SUMF1: variants seen among roughly 807,000 people sequenced by gnomAD.
SUMF1 encodes the protein sulfatase modifying factor 1.
A neutral mutation model predicts 47.6 loss-of-function variants in SUMF1; 48 were observed. The observed-to-expected ratio is 1.01, with a 90% CI of 0.80 to 1.28. The LOEUF is 1.28. SUMF1 is among the 50% of genes most tolerant of loss of function. SUMF1 has a pLI of 0.00. For synonymous variants in SUMF1, 230 were observed against 192.1 expected (o/e 1.20, Z -1.63); for missense variants, 571 against 485.4 (o/e 1.18, Z -1.66).
intron 8 of SUMF1, among the ~76,000 whole-genome samples, chr3:4,288,295 C>T (rs573316781): frequency 6.6e-6 from 1 of 152,144 alleles, no homozygotes; most frequent in Non-Finnish European, 1.5e-5. Context: ...CCTGTTGGCA[C>T]AGCACAAAAA....
intron 8 of SUMF1, among the ~76,000 whole-genome samples, chr3:4,106,183 A>G (rs1169609492): frequency 6.6e-6 from 1 of 152,124 alleles, no homozygotes; most frequent in African/African-American, 2.4e-5. Context: ...ATAAAAAACA[A>G]AATGAGTTTA....
At chr3:4,446,097 C>T (rs912120839) in intron 3 of SUMF1, among the ~76,000 whole-genome samples, 2 of 152,162 alleles carry the variant, frequency 1.3e-5, no homozygotes, top group South Asian at 2.1e-4. Context: ...GATGATGGAA[C>T]TATCTCTTTA....
At chr3:4,130,151 G>A (rs140942906) in intron 8 of SUMF1, among the ~76,000 whole-genome samples, 1 of 152,296 alleles carries the variant, frequency 6.6e-6, no homozygotes, top group African/African-American at 2.4e-5. Flanking sequence ...TTTGGCCTGT[G>A]CAGAAGACAG....
intron 8 of SUMF1, among the ~76,000 whole-genome samples, chr3:4,178,670 A>G (rs542981853): frequency 5.3e-5 from 8 of 152,326 alleles, no homozygotes; most frequent in African/African-American, 1.2e-4. Context: ...TATTCAACAT[A>G]GTGTTGGAAG....
intron 8 of SUMF1, among the ~76,000 whole-genome samples, chr3:4,070,570 C>T (rs1574856212): frequency 1.3e-5 from 2 of 152,132 alleles, no homozygotes; most frequent in African/African-American, 2.4e-5. Flanking sequence ...ATGCTGAAAA[C>T]GATGACATAG....
In SUMF1 at chr3:4,362,001, G is replaced by C. The variant is rs1044025854; in HGVS notation, c.*143C>G. 1.4e-6 allele frequency: 1 copy of C among 731,802 alleles called. No individual in the cohort carries two copies. Among genetic ancestry groups the C allele is most frequent in the African/African-American group, 1.7e-5 (1 of 57,490 alleles). 45.3% of individuals were successfully genotyped at this position (731,802 alleles called of 1,614,324 possible). Reference sequence around the variant, plus strand: ...CCAGGTCAGCAATTTGGTCTCACAAGGCGGTTCCTTTGGCCATTGGGCAGG... The same window carrying C: ...CCAGGTCAGCAATTTGGTCTCACAACGCGGTTCCTTTGGCCATTGGGCAGG... On this transcript the variant is annotated 3_prime_UTR_variant, in exon 9 of 9. Transcript: ENST00000272902.
At chr3:4,119,085 C>T (rs906058808) in intron 8 of SUMF1, among the ~76,000 whole-genome samples, 4 of 152,100 alleles carry the variant, frequency 2.6e-5, no homozygotes, top group South Asian at 2.1e-4. Context: ...TAATCTGCTA[C>T]ATTTTTCATT....
At chr3:4,128,930 G>C (rs1693721467) in intron 8 of SUMF1, among the ~76,000 whole-genome samples, 1 of 152,092 alleles carries the variant, frequency 6.6e-6, no homozygotes, top group Non-Finnish European at 1.5e-5. Flanking sequence ...CTGAAATATG[G>C]ATTGAAAGAT....
intron 3 of SUMF1, among the ~76,000 whole-genome samples, chr3:4,448,410 G>A (rs556070290): frequency 7.9e-4 from 119 of 150,196 alleles, no homozygotes; most frequent in African/African-American, 2.6e-3. Flanking sequence ...GGATTCCTTC[G>A]TCTTCAATGC....
chr3:4,417,641 T>A (rs531099867), intron 5 of SUMF1, among the ~76,000 whole-genome samples: 1 of 152,342 alleles, frequency 6.6e-6, no homozygotes, highest in East Asian at 1.9e-4. Context: ...AACATGAGTT[T>A]TCTGTCTCAT....
At chr3:4,378,367 C>T (rs1700393800) in intron 7 of SUMF1, among the ~76,000 whole-genome samples, 1 of 152,184 alleles carries the variant, frequency 6.6e-6, no homozygotes, top group South Asian at 2.1e-4. Context: ...CACTTTTGCA[C>T]AATTGTAAAC....
intron 8 of SUMF1, among the ~76,000 whole-genome samples, chr3:4,226,130 G>C (rs976959442): frequency 2.0e-5 from 3 of 152,034 alleles, no homozygotes; most frequent in African/African-American, 7.2e-5. Flanking sequence ...AGCAATAATA[G>C]TAAGCATTCA....
chr3:4,106,229 G>A (rs113579983), intron 8 of SUMF1, among the ~76,000 whole-genome samples: 169 of 151,940 alleles, frequency 1.1e-3, no homozygotes, highest in Non-Finnish European at 2.2e-3. Flanking sequence ...CTATGTGATC[G>A]GGCATCAAAA....
At chr3:4,086,759 A>G (rs539131982) in intron 8 of SUMF1, among the ~76,000 whole-genome samples, 1 of 152,210 alleles carries the variant, frequency 6.6e-6, no homozygotes, top group South Asian at 2.1e-4. Flanking sequence ...TTGAATCATG[A>G]GGGCGGTTTC....
At chr3:4,324,821 C>A (rs913304308) in intron 8 of SUMF1, among the ~76,000 whole-genome samples, 2 of 152,026 alleles carry the variant, frequency 1.3e-5, no homozygotes, top group Non-Finnish European at 2.9e-5. Flanking sequence ...AGTTTGGGGG[C>A]CCTGCAATTC....
intron 8 of SUMF1, among the ~76,000 whole-genome samples, chr3:4,073,136 C>G (rs369282221): frequency 2.0e-5 from 3 of 152,236 alleles, no homozygotes; most frequent in East Asian, 3.8e-4. Flanking sequence ...CAGCGGATCT[C>G]TCTGCAGAAA....
At chr3:4,233,097 T>C (rs1696337401) in intron 8 of SUMF1, among the ~76,000 whole-genome samples, 1 of 152,130 alleles carries the variant, frequency 6.6e-6, no homozygotes, top group Non-Finnish European at 1.5e-5. Context: ...GCAAAACAAA[T>C]GATCTGGACT....
chr3:4,171,000 A>G (rs17591501), intron 8 of SUMF1, among the ~76,000 whole-genome samples: 9,518 of 152,272 alleles, frequency 0.063, 468 homozygotes, highest in Admixed American at 0.11. Flanking sequence ...CCATTCACCC[A>G]AACTCTGCAT....
intron 8 of SUMF1, among the ~76,000 whole-genome samples, chr3:4,309,421 C>A (rs1351949636): frequency 6.6e-6 from 1 of 152,152 alleles, no homozygotes; most frequent in African/African-American, 2.4e-5. Context: ...AGTACATTTT[C>A]TAGCCATTTC....
Sources: allele counts gnomAD v4.1 joint callset (sites outside exome capture counted in the v4.1 genomes callset), GRCh38; gene constraint gnomAD v4.1.1; transcripts MANE v1.5; gene names NCBI Gene and HGNC (gene_info 2026-07-23, HGNC 2026-07-21).